ACOT1: variants seen among roughly 807,000 people sequenced by gnomAD.
The protein encoded by ACOT1 is acyl-CoA thioesterase 1.
Under a neutral mutation model 15.7 loss-of-function variants are expected in ACOT1, and 8 were observed. The ratio of observed to expected loss-of-function variants is 0.51; its 90% CI spans 0.30 to 0.92. The LOEUF (loss-of-function observed/expected upper bound fraction) is 0.92. Ranked by LOEUF, ACOT1 falls within the 40% of genes least tolerant of loss-of-function variation. ACOT1 has a pLI of 0.06. For synonymous variants in ACOT1, 67 were observed against 241.2 expected (o/e 0.28, Z 6.69); for missense variants, 151 against 539.4 (o/e 0.28, Z 7.13).
At chr14:73,523,965 C>G in the ACOT1 span, among the ~76,000 whole-genome samples, 1 of 152,056 alleles carries the variant, frequency 6.6e-6, no homozygotes, top group African/African-American at 2.4e-5. Flanking sequence ...TCCAGCACAC[C>G]TATTGCTACA....
chr14:73,523,272 A>C, the ACOT1 span: 1,971 of 982,638 alleles, frequency 2.0e-3, 7 homozygotes, highest in Middle Eastern at 6.8e-3. Context: ...AGCAGCAGAA[A>C]TTGGTAGCCC....
the ACOT1 span, chr14:73,496,802 T>C: frequency 3.1e-6 from 2 of 637,430 alleles, no homozygotes; most frequent in Non-Finnish European, 5.6e-6. Flanking sequence ...TGTGCAGTTT[T>C]GCTGAGCCTT....
At chr14:73,496,716 C>T in the ACOT1 span, 10 of 1,165,758 alleles carry the variant, frequency 8.6e-6, no homozygotes, top group Non-Finnish European at 1.3e-5. Flanking sequence ...TTATTCTACC[C>T]TGCCCTTTAA....
the ACOT1 span, chr14:73,499,200 G>A: frequency 6.9e-7 from 1 of 1,445,064 alleles, no homozygotes. Context: ...ACCAGAAACA[G>A]CTGGGTGCGG....
At chr14:73,504,940 T>G in the ACOT1 span, among the ~76,000 whole-genome samples, 1 of 146,088 alleles carries the variant, frequency 6.8e-6, no homozygotes, top group African/African-American at 2.5e-5. Context: ...AGTTGGTTTG[T>G]TTTTTTTTTT....
chr14:73,514,105 A>T, the ACOT1 span: 5 of 1,614,186 alleles, frequency 3.1e-6, no homozygotes. Context: ...ATCCTCCTGC[A>T]GTGATTTTGC....
At chr14:73,495,335 T>G in the ACOT1 span, 2 of 1,613,876 alleles carry the variant, frequency 1.2e-6, no homozygotes, top group Admixed American at 3.3e-5. Flanking sequence ...CATGACCATC[T>G]CCAGCTTGAG....
chr14:73,530,794 ATT>A, the ACOT1 span, among the ~76,000 whole-genome samples: 46 of 57,690 alleles, frequency 8.0e-4, 1 homozygote, highest in Non-Finnish European at 9.2e-4. Context: ...TCTCGGTTAA[ATT>A]TTTTTTTTTT....
Position 73,537,342 on chromosome 14 carries a change from C to G in ACOT1, c.-80C>G. ...TGGGCGTTTAGCCTGCGACGGCAGC[C>G]CGAGAGGAAGAGTTGGGCAGAGTTG... is the stretch of plus-strand genomic sequence containing the variant. On this transcript the variant is annotated 5_prime_UTR_variant, in exon 1 of 3. Transcript: ENST00000311148. The G allele has an allele frequency of 8.6e-7, 1 of 1,156,132 alleles. No homozygotes were observed. Among genetic ancestry groups the G allele is most frequent in the Non-Finnish European group, 1.2e-6 (1 of 867,914 alleles). 71.6% of individuals were successfully genotyped at this position (1,156,132 alleles called of 1,614,324 possible).
At chr14:73,497,683 A>G in the ACOT1 span, among the ~76,000 whole-genome samples, 5 of 151,872 alleles carry the variant, frequency 3.3e-5, no homozygotes, top group Non-Finnish European at 7.4e-5. Context: ...CTGGAGTGCA[A>G]TGGCACCATC....
the ACOT1 span, among the ~76,000 whole-genome samples, chr14:73,494,488 A>G: frequency 6.6e-6 from 1 of 152,206 alleles, no homozygotes; most frequent in Non-Finnish European, 1.5e-5. Context: ...ATAGACATAC[A>G]CTAAGTAAAA....
chr14:73,543,210 C>G lies in ACOT1; in HGVS notation c.821C>G (p.Pro274Arg), dbSNP rs572232927. Reference protein sequence around the residue: ...TLRYKGETLPPVGVNRNRIKV... With the variant: ...TLRYKGETLPRVGVNRNRIKV... ...CGCTACAAGGGCGAGACCCTGCCCC[C>G]TGTGGGCGTCAACAGAAATCGCATC... The change falls in exon 3 of 3, where the codon CCT (proline) becomes CGT (arginine). Residue 274 changes from proline to arginine, a missense_variant. Pro to Arg is a moderately radical substitution (Grantham distance 103, BLOSUM62 -2). Transcript: ENST00000311148. 194 of 1,604,344 alleles carry G rather than the reference C, an allele frequency of 1.2e-4. 7 individuals are homozygous for G. Among genetic ancestry groups the G allele is most frequent in the Non-Finnish European group, 1.5e-4 (182 of 1,175,876 alleles).
the ACOT1 span, chr14:73,491,434 G>A: frequency 7.3e-5 from 99 of 1,360,314 alleles, no homozygotes; most frequent in East Asian, 3.0e-3. Flanking sequence ...CCGCCGCGCC[G>A]GTCCGGGTGG....
upstream of ACOT1, among the ~76,000 whole-genome samples, chr14:73,536,265 G>C (rs373752451): frequency 3.4e-4 from 38 of 111,044 alleles, 7 homozygotes; most frequent in South Asian, 0.011. Context: ...ATGAAATCAG[G>C]TACAAGGGCT....
chr14:73,500,466 G>A, the ACOT1 span: 8 of 1,385,482 alleles, frequency 5.8e-6, no homozygotes, highest in Non-Finnish European at 8.0e-6. Context: ...CCCACAGAAT[G>A]TTGAGCATAC....
chr14:73,528,392 C>CA, the ACOT1 span, among the ~76,000 whole-genome samples: 6,880 of 88,374 alleles, frequency 0.078, 603 homozygotes, highest in African/African-American at 0.15. Context: ...AACTTCATCT[C>CA]AAAAAAAAAA....
At chr14:73,523,211 A>G in the ACOT1 span, 2 of 1,473,470 alleles carry the variant, frequency 1.4e-6, no homozygotes, top group Non-Finnish European at 1.8e-6. Context: ...AGGCCTGGAG[A>G]TGAGACCTGG....
At chr14:73,493,226 T>G in the ACOT1 span, 1 of 885,308 alleles carries the variant, frequency 1.1e-6, no homozygotes, top group Admixed American at 2.2e-5. Flanking sequence ...TTCAGTGTAC[T>G]GGGTAACACT....
At chr14:73,542,729 A>G (rs1379819877) in intron 2 of ACOT1, among the ~76,000 whole-genome samples, 2 of 111,858 alleles carry the variant, frequency 1.8e-5, no homozygotes, top group South Asian at 2.8e-4. Flanking sequence ...CTTGTTGATG[A>G]CGACTCAGTT....
Sources: allele counts gnomAD v4.1 joint callset (sites outside exome capture counted in the v4.1 genomes callset), GRCh38; gene constraint gnomAD v4.1.1; transcripts MANE v1.5; gene names NCBI Gene and HGNC (gene_info 2026-07-23, HGNC 2026-07-21).